CYP2C18: variants seen among roughly 807,000 people sequenced by gnomAD.
CYP2C18 encodes the protein cytochrome P450 family 2 subfamily C member 18.
CYP2C18 carries 38 observed loss-of-function variants against 41.3 expected under a neutral mutation model. The observed-to-expected ratio is 0.92, with a 90% CI of 0.71 to 1.21. The LOEUF (loss-of-function observed/expected upper bound fraction) is 1.21. Ranked by LOEUF, CYP2C18 falls within the 50% of genes most tolerant of loss-of-function variation. CYP2C18 has a pLI of 0.00. For missense variants in CYP2C18, 635 were observed against 591.4 expected, an observed-to-expected ratio of 1.07 and a Z score of -0.77; for synonymous variants, 236 against 210.0, an observed-to-expected ratio of 1.12 and a Z score of -1.07.
At chr10:94,686,940 A>G (rs1846899336) in intron 1 of CYP2C18, among the ~76,000 whole-genome samples, 1 of 152,216 alleles carries the variant, frequency 6.6e-6, no homozygotes, top group African/African-American at 2.4e-5. Flanking sequence ...TATTTTGCTT[A>G]GATTAGCCAT....
At chr10:94,696,650 GAGA>G (rs1181158020) in intron 4 of CYP2C18, among the ~76,000 whole-genome samples, 8 of 152,134 alleles carry the variant, frequency 5.3e-5, no homozygotes, top group African/African-American at 1.7e-4. Flanking sequence ...GACGAGTTGA[GAGA>G]AGAAGACTTC....
chr10:94,685,664 G>T (rs1846873504), intron 1 of CYP2C18, among the ~76,000 whole-genome samples: 1 of 152,196 alleles, frequency 6.6e-6, no homozygotes, highest in Non-Finnish European at 1.5e-5. Context: ...TTTCCCCATT[G>T]TATGTTCTTG....
chr10:94,714,392 A>G (rs1486098561), intron 5 of CYP2C18, among the ~76,000 whole-genome samples: 2 of 152,234 alleles, frequency 1.3e-5, no homozygotes, highest in East Asian at 3.8e-4. Flanking sequence ...AGCTTTCTAC[A>G]TATGGCTAGC....
intron 7 of CYP2C18, among the ~76,000 whole-genome samples, chr10:94,730,998 G>A (rs1009521635): frequency 2.6e-5 from 4 of 152,138 alleles, no homozygotes; most frequent in Non-Finnish European, 5.9e-5. Flanking sequence ...AAGGAAAACT[G>A]CAAAACACTA....
intron 8 of CYP2C18, among the ~76,000 whole-genome samples, chr10:94,733,979 G>C (rs1456273221): frequency 6.6e-6 from 1 of 151,988 alleles, no homozygotes; most frequent in Non-Finnish European, 1.5e-5. Flanking sequence ...GGAGCTCAGT[G>C]GGGGAATCTG....
At chr10:94,689,903 G>C (rs1846964884) in intron 3 of CYP2C18, among the ~76,000 whole-genome samples, 1 of 152,010 alleles carries the variant, frequency 6.6e-6, no homozygotes, top group African/African-American at 2.4e-5. Context: ...CACAGAAATT[G>C]TTCAAACTAT....
intron 4 of CYP2C18, 102 bp downstream of exon 4, chr10:94,695,179 T>C (rs966907771): frequency 2.7e-6 from 3 of 1,109,484 alleles, no homozygotes; most frequent in South Asian, 1.5e-5. Flanking sequence ...TTCTGGGATA[T>C]GTGTGCAGAA....
intron 5 of CYP2C18, among the ~76,000 whole-genome samples, chr10:94,719,362 C>T (rs1589803857): frequency 6.6e-6 from 1 of 151,872 alleles, no homozygotes; most frequent in Admixed American, 6.6e-5. Context: ...AACTAGGTGC[C>T]TGCCATTTTT....
intron 6 of CYP2C18, among the ~76,000 whole-genome samples, chr10:94,723,527 C>T (rs1189225629): frequency 6.6e-6 from 1 of 151,966 alleles, no homozygotes; most frequent in Non-Finnish European, 1.5e-5. Context: ...ACACACAAGT[C>T]CAAGAATATA....
At chr10:94,713,326 C>G (rs933431004) in intron 5 of CYP2C18, among the ~76,000 whole-genome samples, 1 of 151,748 alleles carries the variant, frequency 6.6e-6, no homozygotes, top group African/African-American at 2.4e-5. Flanking sequence ...TGCTATCCCT[C>G]CCCGCTCCCC....
At chr10:94,707,003 TAGTTCTATA>T in intron 5 of CYP2C18, 43 bp downstream of exon 5, 2 of 1,555,356 alleles carry the variant, frequency 1.3e-6, no homozygotes, top group Non-Finnish European at 1.8e-6. Context: ...GTTCATTGAT[TAGTTCTATA>T]ACGATTGCTT....
Position 94,693,947 on chromosome 10 carries a change from A to G in CYP2C18, c.482-970A>G, listed in dbSNP as rs576812701. 2.6e-5 allele frequency among the ~76,000 whole-genome samples: 4 copies of G among 152,330 alleles called. No homozygotes were observed. The East Asian group carries it at 7.7e-4, about 29-fold the overall frequency. ...CCAAACTGTATCAGGGAGATAATAA[A>G]AATCAGGGTAATTTGTAATCCAAGC... On this transcript the variant is annotated intron_variant, in intron 3 of 8. Transcript: ENST00000285979.
At chr10:94,685,603 T>C (rs1247237131) in intron 1 of CYP2C18, among the ~76,000 whole-genome samples, 1 of 152,204 alleles carries the variant, frequency 6.6e-6, no homozygotes, top group Non-Finnish European at 1.5e-5. Flanking sequence ...TTCTCTTTTA[T>C]TCTTTGCATA....
intron 6 of CYP2C18, among the ~76,000 whole-genome samples, chr10:94,720,781 A>G (rs998680306): frequency 2.0e-5 from 3 of 152,186 alleles, no homozygotes; most frequent in Admixed American, 2.0e-4. Flanking sequence ...CCTGGATTTT[A>G]GTGACTAAAT....
At chr10:94,697,817 C>A (rs1057433727) in intron 4 of CYP2C18, among the ~76,000 whole-genome samples, 1 of 152,106 alleles carries the variant, frequency 6.6e-6, no homozygotes, top group Non-Finnish European at 1.5e-5. Flanking sequence ...CAAGGAAAGG[C>A]AGGGGTTGCA....
At chr10:94,709,426 C>T (rs1458382902) in intron 5 of CYP2C18, among the ~76,000 whole-genome samples, 1 of 151,912 alleles carries the variant, frequency 6.6e-6, no homozygotes, top group South Asian at 2.1e-4. Context: ...ATATTCAGAC[C>T]TTTTGTCCGT....
Position 94,717,929 on chromosome 10 carries a change from A to G in CYP2C18, c.820-2467A>G, listed in dbSNP as rs562593019. ...CTTTCTGCTAATTATTGCCTTGGCT[A>G]TTTGGGTATTTTTGTGGTTCTATAT... On this transcript the variant is annotated intron_variant, in intron 5 of 8. Coordinates refer to ENST00000285979, the MANE Select transcript of CYP2C18 (RefSeq NM_000772.3). 4.2e-4 allele frequency among the ~76,000 whole-genome samples: 64 copies of G among 152,118 alleles called. 2 individuals carry two copies. The South Asian group carries it at 0.011, about 27-fold the overall frequency.
chr10:94,705,630 T>C (rs1051707696), intron 4 of CYP2C18, among the ~76,000 whole-genome samples: 2 of 152,200 alleles, frequency 1.3e-5, no homozygotes, highest in Non-Finnish European at 2.9e-5. Context: ...CTGTTAGAGT[T>C]GATTCTGACT....
In CYP2C18 at chr10:94,735,758, A is replaced by G. The variant is rs546657533; in HGVS notation, c.*314A>G. On this transcript the variant is annotated 3_prime_UTR_variant, in exon 9 of 9. Transcript: ENST00000285979. ...AAAGAAAAATGATTAATAAATGACA[A>G]TTCAGAGCCATTTATTCTCTGCATG... 1.1e-5 allele frequency: 3 copies of G among 278,118 alleles called. No homozygotes were observed. The highest frequency in any genetic ancestry group is 2.0e-5 in the Non-Finnish European group (3 of 148,036). The allele number at this position is 278,118 out of a possible 1,614,324, so 17.2% of individuals were successfully genotyped here. A position where few individuals can be genotyped will look rare whatever the true frequency, so the allele number is the denominator to read the frequency against.
Sources: gnomAD v4.1 joint callset for allele counts (sites outside exome capture counted in the v4.1 genomes callset) on GRCh38, gnomAD v4.1.1 for gene constraint, MANE v1.5 for transcripts, NCBI Gene and HGNC (gene_info 2026-07-23, HGNC 2026-07-21) for gene names.